The following SDK1 variants were observed in gnomAD, a reference collection of about 807,000 sequenced individuals.
The protein encoded by SDK1 is protein sidekick-1.
In SDK1, 157 loss-of-function variants were observed where a neutral mutation model predicts 245.5. That is an observed-to-expected ratio of 0.64 (90% CI 0.56 to 0.73). SDK1 has a LOEUF of 0.73. Among genes scored for constraint, SDK1 ranks in the 30% least tolerant of loss-of-function variants. The pLI, the probability that SDK1 is intolerant of heterozygous loss-of-function variation, is 0.00. For synonymous variants in SDK1, 1,647 were observed against 1,278.5 expected, an observed-to-expected ratio of 1.29 and a Z score of -6.15; for missense variants, 3,583 against 3,002.3, an observed-to-expected ratio of 1.19 and a Z score of -4.52.
At position 4,077,060 on chromosome 7, in the gene SDK1, A is replaced by G; in HGVS notation, c.3073A>G (p.Ser1025Gly). 1.2e-6 allele frequency: 2 copies of G among 1,614,214 alleles called. No individual in the cohort carries two copies. The highest frequency in any genetic ancestry group is 1.7e-6 in the Non-Finnish European group (2 of 1,180,026). Reference sequence around the variant, plus strand: ...CTCTCGTCTCACGCACACCCTGAACAGCACGACGCACGAGTACAAGATCCA... The same window carrying G: ...CTCTCGTCTCACGCACACCCTGAACGGCACGACGCACGAGTACAAGATCCA... ...NDSRLTHTLN[S>G]TTHEYKIQGL... The change falls in exon 21 of 45, where the codon AGC becomes GGC. Residue 1025 changes from serine (S) to glycine (G), a missense_variant. Ser to Gly is a moderately conservative substitution (Grantham distance 56). Coordinates refer to ENST00000404826, the MANE Select transcript of SDK1 (RefSeq NM_152744.4).
intron 2 of SDK1, among the ~76,000 whole-genome samples, chr7:3,633,333 C>A (rs896352595): frequency 6.6e-6 from 1 of 152,108 alleles, no homozygotes; most frequent in Non-Finnish European, 1.5e-5. Flanking sequence ...GTTCCCTGAC[C>A]ACCTAGGGGA....
chr7:4,055,673 T>G (rs1779150471), intron 19 of SDK1, among the ~76,000 whole-genome samples: 1 of 152,112 alleles, frequency 6.6e-6, no homozygotes, highest in African/African-American at 2.4e-5. Flanking sequence ...TCTGCTTGCT[T>G]TGAGTGTATT....
intron 31 of SDK1, among the ~76,000 whole-genome samples, chr7:4,159,233 G>T (rs1240519544): frequency 6.6e-6 from 1 of 152,218 alleles, no homozygotes; most frequent in Non-Finnish European, 1.5e-5. Flanking sequence ...TCCAGTGGAA[G>T]AATTTTCCAA....
At chr7:4,024,415 A>C (rs1787170578) in intron 17 of SDK1, among the ~76,000 whole-genome samples, 1 of 152,226 alleles carries the variant, frequency 6.6e-6, no homozygotes, top group Non-Finnish European at 1.5e-5. Context: ...GTACCTGCAG[A>C]ATAGGATAAT....
rs553653927 is a variant in SDK1 at position 3,975,181 on chromosome 7, C to T, written c.1994+636C>T. On this transcript the variant is annotated intron_variant, in intron 13 of 44. Transcript: ENST00000404826. Reference sequence around the variant, plus strand: ...CCTCTCTATTCATGGAGCAGGAAACCAAAATACCTGCTGACACATTTTATT... The same window carrying T: ...CCTCTCTATTCATGGAGCAGGAAACTAAAATACCTGCTGACACATTTTATT... Among the ~76,000 whole-genome samples, 44 of 152,288 alleles carry T rather than the reference C, an allele frequency of 2.9e-4. No homozygotes were observed. In the South Asian group the frequency reaches 5.8e-3, roughly 20 times the overall value.
chr7:4,219,306 C>G (rs1357354818), intron 38 of SDK1, among the ~76,000 whole-genome samples: 1 of 152,138 alleles, frequency 6.6e-6, no homozygotes, highest in Non-Finnish European at 1.5e-5. Flanking sequence ...TGTATACGCT[C>G]CCTGTGTTAA....
At chr7:3,960,432 C>T (rs1445621085) in intron 8 of SDK1, among the ~76,000 whole-genome samples, 1 of 152,230 alleles carries the variant, frequency 6.6e-6, no homozygotes, top group African/African-American at 2.4e-5. Context: ...GAACAAATGC[C>T]ATTTGTCCAT....
intron 4 of SDK1, among the ~76,000 whole-genome samples, chr7:3,794,355 GA>G (rs879932087): frequency 2.4e-4 from 36 of 151,772 alleles, no homozygotes; most frequent in East Asian, 7.7e-4. Flanking sequence ...AAAATAGGAA[GA>G]AAAAAAAGGC....
At chr7:3,857,258 C>G (rs1780570674) in intron 5 of SDK1, among the ~76,000 whole-genome samples, 1 of 151,786 alleles carries the variant, frequency 6.6e-6, no homozygotes, top group Admixed American at 6.6e-5. Flanking sequence ...AGGACACAGT[C>G]AGTGCAGCAG....
chr7:3,785,342 A>G (rs1394951145), intron 4 of SDK1, among the ~76,000 whole-genome samples: 1 of 152,170 alleles, frequency 6.6e-6, no homozygotes, highest in East Asian at 1.9e-4. Flanking sequence ...GTAAATTTTA[A>G]AAGTTCTCAC....
chr7:3,668,422 C>A (rs555457297), intron 4 of SDK1, among the ~76,000 whole-genome samples: 8 of 152,284 alleles, frequency 5.3e-5, no homozygotes, highest in Non-Finnish European at 1.0e-4. Flanking sequence ...GGACTTCCTT[C>A]AAAGATTATA....
At chr7:3,604,734 C>T (rs1781367991) in intron 1 of SDK1, among the ~76,000 whole-genome samples, 1 of 151,336 alleles carries the variant, frequency 6.6e-6, no homozygotes, top group Non-Finnish European at 1.5e-5. Context: ...TCCAGAGTAG[C>T]TGGGATTACA....
At chr7:4,007,904 T>C (rs1241069914) in intron 14 of SDK1, among the ~76,000 whole-genome samples, 1 of 152,134 alleles carries the variant, frequency 6.6e-6, no homozygotes, top group Non-Finnish European at 1.5e-5. Context: ...TCTTTAATGG[T>C]AGTGAAACAC....
chr7:4,134,334 G>A (rs964646775), intron 28 of SDK1, among the ~76,000 whole-genome samples: 2 of 152,220 alleles, frequency 1.3e-5, no homozygotes, highest in Middle Eastern at 3.2e-3. Flanking sequence ...TTGGAGGTGA[G>A]CATTTCAGGG....
intron 13 of SDK1, among the ~76,000 whole-genome samples, chr7:3,983,217 G>A (rs1375734270): frequency 6.6e-6 from 1 of 152,208 alleles, no homozygotes; most frequent in Non-Finnish European, 1.5e-5. Context: ...CAGGGTTTGG[G>A]AGGATTGACT....
intron 1 of SDK1, among the ~76,000 whole-genome samples, chr7:3,505,180 A>G (rs1430228183): frequency 1.3e-5 from 2 of 152,174 alleles, no homozygotes; most frequent in African/African-American, 4.8e-5. Flanking sequence ...TTTAAAATAT[A>G]TCTGTTTTTG....
intron 1 of SDK1, among the ~76,000 whole-genome samples, chr7:3,608,922 A>G (rs1200318760): frequency 6.6e-6 from 1 of 152,194 alleles, no homozygotes; most frequent in Non-Finnish European, 1.5e-5. Flanking sequence ...GGGAGGCTGT[A>G]TGTTATTAAT....
intron 1 of SDK1, among the ~76,000 whole-genome samples, chr7:3,321,815 T>TCCTTCCTTCCTC (rs1779819205): frequency 8.2e-6 from 1 of 122,424 alleles, no homozygotes; most frequent in Non-Finnish European, 1.7e-5. Context: ...CTTCCTTCCT[T>TCCTTCCTTCCTC]CCTTCCTTCC....
intron 1 of SDK1, among the ~76,000 whole-genome samples, chr7:3,401,242 T>TG (rs895853892): frequency 3.6e-4 from 55 of 152,256 alleles, no homozygotes; most frequent in Admixed American, 3.6e-3. Flanking sequence ...TGACAAGATT[T>TG]GGGGGAATAC....
Sources: gnomAD v4.1 joint callset for allele counts (sites outside exome capture counted in the v4.1 genomes callset) on GRCh38, gnomAD v4.1.1 for gene constraint, MANE v1.5 for transcripts, NCBI Gene and HGNC (gene_info 2026-07-23, HGNC 2026-07-21) for gene names.